The following MYOM2 variants were observed in gnomAD, a reference collection of about 807,000 sequenced individuals.
MYOM2 encodes the protein myomesin 2.
MYOM2 carries 254 observed loss-of-function variants against 187.6 expected under a neutral mutation model. The observed-to-expected ratio is 1.35, with a 90% confidence interval of 1.22 to 1.50. MYOM2 has a LOEUF of 1.50. Among genes scored for constraint, MYOM2 ranks in the 40% most tolerant of loss-of-function variants. The pLI is 0.00. For synonymous variants in MYOM2, 981 were observed against 753.8 expected, an observed-to-expected ratio of 1.30 and a Z score of -4.94; for missense variants, 2,796 against 1,924.0, an observed-to-expected ratio of 1.45 and a Z score of -8.48.
intron 28 of MYOM2, among the ~76,000 whole-genome samples, chr8:2,121,725 GAC>G (rs35617886): frequency 0.38 from 58,494 of 151,942 alleles, 11,542 homozygotes; most frequent in Non-Finnish European, 0.44. Flanking sequence ...AAAAGTTTCA[GAC>G]ACAGAGAAAC....
intron 35 of MYOM2, 71 bp from the exon 36 acceptor site, chr8:2,143,330 G>C (rs1798343931): frequency 5.1e-6 from 8 of 1,571,692 alleles, no homozygotes; most frequent in Non-Finnish European, 7.0e-6. Context: ...ACCCACTGCT[G>C]CTTACATGGC....
In MYOM2 at chr8:2,057,651, A is replaced by T; in HGVS notation, c.431A>T (p.His144Leu). 1 of 1,614,076 alleles carries T rather than the reference A, an allele frequency of 6.2e-7. No individual in the cohort carries two copies. The highest frequency in any genetic ancestry group is 8.5e-7 in the Non-Finnish European group (1 of 1,179,996). Residue 144 changes from histidine to leucine, a missense_variant, in exon 5 of 37, where the codon CAC becomes CTC. Physicochemically the swap from His to Leu is moderately conservative, Grantham distance 99 (BLOSUM62 -3). Coordinates refer to ENST00000262113, the MANE Select transcript of MYOM2 (RefSeq NM_003970.4). ...GAGGACAAGCTGGCCTGGGAGAGAC[A>T]CACATTTGAAGAGCGGATAAGCAGG... Reference protein sequence around the residue: ...MMEDKLAWERHTFEERISRAP... With the variant: ...MMEDKLAWERLTFEERISRAP...
At chr8:2,104,920 T>C (rs1258293480) in intron 21 of MYOM2, among the ~76,000 whole-genome samples, 1 of 152,186 alleles carries the variant, frequency 6.6e-6, no homozygotes, top group African/African-American at 2.4e-5. Context: ...AACGACCTAA[T>C]CACCTCTTTT....
In MYOM2 at chr8:2,090,201, C is replaced by G. The variant is rs550097383; in HGVS notation, c.1828+10C>G. On this transcript the variant is annotated intron_variant, in intron 15 of 36. Coordinates refer to ENST00000262113, the MANE Select transcript of MYOM2 (RefSeq NM_003970.4). ...GCCCAGGATGTGACCGGTGAGCTGT[C>G]ACACTGGGTGGCCCCAAGTCAGGAT... 6.2e-7 allele frequency: 1 copy of G among 1,608,994 alleles called. No individual in the cohort carries two copies. The highest frequency in any genetic ancestry group is 1.1e-5 in the South Asian group (1 of 90,792).
chr8:2,094,127 C>G (rs1465212603), intron 17 of MYOM2, 36 bp downstream of exon 17: 1 of 1,609,690 alleles, frequency 6.2e-7, no homozygotes. Context: ...GCCGATTGCT[C>G]CCATACACTG....
intron 3 of MYOM2, among the ~76,000 whole-genome samples, chr8:2,055,083 G>GAACGAAGTACCTGGATACTGGGGT (rs1563414914): frequency 6.0e-5 from 7 of 116,600 alleles, no homozygotes; most frequent in Non-Finnish European, 1.2e-4. Flanking sequence ...GATACTGGGG[G>GAACGAAGTACCTGGATACTGGGGT]AACGAAGTAC....
At chr8:2,107,324 G>A (rs1226276161) in intron 23 of MYOM2, among the ~76,000 whole-genome samples, 1 of 152,152 alleles carries the variant, frequency 6.6e-6, no homozygotes, top group African/African-American at 2.4e-5. Flanking sequence ...AGATTTCTGG[G>A]TTTCTTTGGG....
chr8:2,109,598 C>T (rs1020665832), intron 25 of MYOM2, 67 bp downstream of exon 25: 2 of 1,494,190 alleles, frequency 1.3e-6, no homozygotes, highest in South Asian at 2.5e-5. Flanking sequence ...AGGTCAGTTA[C>T]TGAATATCAA....
chr8:2,134,961 G>T (rs1798016901), intron 32 of MYOM2, among the ~76,000 whole-genome samples: 1 of 152,082 alleles, frequency 6.6e-6, no homozygotes, highest in Non-Finnish European at 1.5e-5. Context: ...AGACAGGACT[G>T]GGTGATGTGT....
chr8:2,123,692 C>G (rs763882003), intron 30 of MYOM2, 50 bp downstream of exon 30: 2 of 1,506,474 alleles, frequency 1.3e-6, no homozygotes, highest in Non-Finnish European at 1.8e-6. Flanking sequence ...CTTTCACCAA[C>G]AGGATGGGAT....
chr8:2,120,687 TA>T (rs1197948284), intron 28 of MYOM2, among the ~76,000 whole-genome samples: 10 of 86,126 alleles, frequency 1.2e-4, no homozygotes, highest in East Asian at 2.8e-4. Flanking sequence ...ATATTATATA[TA>T]AATATATAAT....
chr8:2,069,439 T>C lies in MYOM2; in HGVS notation c.743-8T>C, dbSNP rs1261987766. Reference sequence around the variant, plus strand: ...CTTTTCTGCTGCACTCACTTTGCTGTCTTGCAGGGTTCCGGGGAGACGAGG... The same window carrying C: ...CTTTTCTGCTGCACTCACTTTGCTGCCTTGCAGGGTTCCGGGGAGACGAGG... On this transcript the variant is annotated splice_region_variant and splice_polypyrimidine_tract_variant and intron_variant, in intron 7 of 36. Transcript: ENST00000262113. 8 of 1,614,124 alleles carry C rather than the reference T, an allele frequency of 5.0e-6. No individual in the cohort carries two copies. The highest frequency in any genetic ancestry group is 1.3e-5 in the African/African-American group (1 of 74,950).
chr8:2,133,959 G>C (rs199836612), intron 32 of MYOM2, among the ~76,000 whole-genome samples: 14,365 of 144,782 alleles, frequency 0.099, 661 homozygotes, highest in African/African-American at 0.22. Flanking sequence ...TTCCCCTGAG[G>C]TTAACGTCTT....
intron 15 of MYOM2, 94 bp from the exon 16 acceptor site, chr8:2,092,252 T>A: frequency 7.0e-7 from 1 of 1,419,968 alleles, no homozygotes; most frequent in Non-Finnish European, 9.7e-7. Context: ...CCAGTCTGGC[T>A]GTCCAGTTCC....
intron 21 of MYOM2, among the ~76,000 whole-genome samples, chr8:2,105,243 G>T (rs1409229721): frequency 6.6e-6 from 1 of 152,192 alleles, no homozygotes; most frequent in Non-Finnish European, 1.5e-5. Context: ...ATGGCTGTCT[G>T]TGGTGGCCTC....
intron 19 of MYOM2, 78 bp from the exon 20 acceptor site, chr8:2,100,798 G>A (rs572398694): frequency 2.8e-6 from 4 of 1,442,634 alleles, no homozygotes; most frequent in East Asian, 4.7e-5. Context: ...GGAGCAGTGG[G>A]TCCCCGGGGC....
intron 16 of MYOM2, among the ~76,000 whole-genome samples, 165 bp downstream of exon 16, chr8:2,092,685 T>C (rs1369008500): frequency 6.6e-6 from 1 of 152,190 alleles, no homozygotes; most frequent in Admixed American, 6.5e-5. Flanking sequence ...TTTGACCACT[T>C]GGATGAGCTA....
intron 28 of MYOM2, among the ~76,000 whole-genome samples, chr8:2,123,042 G>A (rs2116858862): frequency 6.6e-6 from 1 of 152,242 alleles, no homozygotes; most frequent in African/African-American, 2.4e-5. Flanking sequence ...GCAACTGTGA[G>A]GACTTAATTT....
At chr8:2,090,762 C>T (rs1048448755) in intron 15 of MYOM2, among the ~76,000 whole-genome samples, 16 of 152,272 alleles carry the variant, frequency 1.1e-4, no homozygotes, top group Admixed American at 4.6e-4. Flanking sequence ...GGATAATGGC[C>T]TCCAGCTTCA....
Sources: allele counts gnomAD v4.1 joint callset (sites outside exome capture counted in the v4.1 genomes callset), GRCh38; gene constraint gnomAD v4.1.1; transcripts MANE v1.5; gene names NCBI Gene and HGNC (gene_info 2026-07-23, HGNC 2026-07-21).